Variants in GRIN2B observed in about 807,000 individuals in gnomAD.
GRIN2B encodes glutamate ionotropic receptor NMDA type subunit 2B.
Under a neutral mutation model 114.5 loss-of-function variants are expected in GRIN2B, and 5 were observed. The ratio of observed to expected loss-of-function variants is 0.04; its 90% confidence interval spans 0.02 to 0.09. The LOEUF is 0.09. Ranked by LOEUF, GRIN2B falls within the 10% of genes least tolerant of loss-of-function variation. The probability of loss-of-function intolerance (pLI) is 1.00; values close to 1 mark genes in which losing one functional copy is unlikely to be tolerated. For synonymous variants in GRIN2B, 787 were observed against 745.1 expected, an observed-to-expected ratio of 1.06 and a Z score of -0.92; for missense variants, 1,108 against 1,943.5, an observed-to-expected ratio of 0.57 and a Z score of 8.08.
At chr12:13,841,316 A>C (rs887132158) in intron 3 of GRIN2B, among the ~76,000 whole-genome samples, 2 of 152,160 alleles carry the variant, frequency 1.3e-5, no homozygotes, top group African/African-American at 4.8e-5. Flanking sequence ...CCTCTGTACC[A>C]CACTTTTGAT....
chr12:13,716,901 C>A (rs1950460220), intron 4 of GRIN2B, among the ~76,000 whole-genome samples: 1 of 151,860 alleles, frequency 6.6e-6, no homozygotes, highest in African/African-American at 2.4e-5. Flanking sequence ...ACTAAATATG[C>A]AAGGACTTAG....
intron 2 of GRIN2B, among the ~76,000 whole-genome samples, chr12:13,879,076 C>T (rs1230888969): frequency 1.3e-5 from 2 of 152,176 alleles, no homozygotes; most frequent in African/African-American, 2.4e-5. Context: ...ACTGACTATA[C>T]AAATTAGAAA....
chr12:13,702,384 C>T (rs1433251563), intron 4 of GRIN2B, among the ~76,000 whole-genome samples: 1 of 152,180 alleles, frequency 6.6e-6, no homozygotes, highest in African/African-American at 2.4e-5. Context: ...AGAGCATGTA[C>T]ATGGCATCTG....
intron 4 of GRIN2B, among the ~76,000 whole-genome samples, chr12:13,681,947 C>T (rs1176723640): frequency 6.6e-6 from 1 of 152,102 alleles, no homozygotes; most frequent in Non-Finnish European, 1.5e-5. Flanking sequence ...ATTATTTATA[C>T]ACAGTACCTC....
chr12:13,722,065 A>G (rs1862893732), intron 4 of GRIN2B, among the ~76,000 whole-genome samples: 1 of 152,160 alleles, frequency 6.6e-6, no homozygotes, highest in Non-Finnish European at 1.5e-5. Context: ...ACCACTGGTG[A>G]CTTTGGCAAG....
intron 2 of GRIN2B, among the ~76,000 whole-genome samples, chr12:13,884,269 C>T (rs1203530091): frequency 2.6e-5 from 4 of 151,782 alleles, no homozygotes; most frequent in Non-Finnish European, 2.9e-5. Flanking sequence ...AAAAAAAAAT[C>T]CTACTGGGAG....
Position 13,953,769 on chromosome 12 carries a change from C to A in GRIN2B, c.-19+26159G>T, listed in dbSNP as rs533347599. On this transcript the variant is annotated intron_variant, in intron 2 of 13. Transcript: ENST00000609686. ...CCTTGTTCCCTGTGACCCAAAGGTT[C>A]ACACTGGCTTCCTGCTTTGCTGATC... is the stretch of plus-strand genomic sequence containing the variant. Among the ~76,000 whole-genome samples, 16 of 152,342 alleles carry A rather than the reference C, an allele frequency of 1.1e-4. No homozygotes were observed. The South Asian group carries it at 2.7e-3, about 26-fold the overall frequency.
Position 13,564,383 on chromosome 12 carries a change from G to A in GRIN2B, c.2855C>T (p.Pro952Leu), listed in dbSNP as rs747714077. 7 of 1,614,206 alleles carry A rather than the reference G, an allele frequency of 4.3e-6. No homozygotes were observed. Among genetic ancestry groups the A allele is most frequent in the South Asian group, 1.1e-5 (1 of 91,074 alleles). Reference protein sequence around the residue: ...THSDCKSYNNPPCEENLFSDY... With the variant: ...THSDCKSYNNLPCEENLFSDY... ...ACTGAAGAGGTTCTCCTCACAGGGC[G>A]GGTTGTTGTAGGATTTGCAGTCAGA... Residue 952 changes from proline to leucine, a missense_variant, in exon 14 of 14, where the codon CCG becomes CTG. Physicochemically the swap from Pro to Leu is moderately conservative, Grantham distance 98. This residue lies in a region of GRIN2B where 140 missense variants were observed against 187.5 expected (regional missense o/e 0.75). Transcript: ENST00000609686. The surrounding 1 kb of genome is among the most constrained non-coding windows in gnomAD (Gnocchi z 4.8).
At chr12:13,796,624 AC>A (rs1864423028) in intron 3 of GRIN2B, among the ~76,000 whole-genome samples, 2 of 152,182 alleles carry the variant, frequency 1.3e-5, no homozygotes, top group African/African-American at 2.4e-5. Context: ...CATTTAAAAA[AC>A]CTTTGTGAGA....
chr12:13,797,066 G>A (rs188193567), intron 3 of GRIN2B, among the ~76,000 whole-genome samples: 1 of 152,264 alleles, frequency 6.6e-6, no homozygotes, highest in East Asian at 1.9e-4. Flanking sequence ...CATTCAAGCT[G>A]CTATAACAAA....
rs187175010 is a variant in GRIN2B at position 13,738,285 on chromosome 12, T to C, written c.1010+15032A>G. 2.4e-3 allele frequency among the ~76,000 whole-genome samples: 367 copies of C among 152,334 alleles called. 1 individual carries two copies. Among genetic ancestry groups the C allele is most frequent in the Non-Finnish European group, 2.9e-3 (194 of 68,020 alleles). On this transcript the variant is annotated intron_variant, in intron 4 of 13. Coordinates refer to ENST00000609686, the MANE Select transcript of GRIN2B (RefSeq NM_000834.5). ...TAATAACTTTCATTTTTAAAACCAC[T>C]TGTGTACTCCAAAATTTAGCAAAGC... is the stretch of plus-strand genomic sequence containing the variant.
chr12:13,629,019 C>G (rs1336964560), intron 5 of GRIN2B, among the ~76,000 whole-genome samples: 1 of 151,946 alleles, frequency 6.6e-6, no homozygotes, highest in Non-Finnish European at 1.5e-5. Context: ...TTTTAGAAGC[C>G]TAGACCACAA....
intron 3 of GRIN2B, among the ~76,000 whole-genome samples, chr12:13,847,024 A>G (rs1865483585): frequency 6.6e-6 from 1 of 152,156 alleles, no homozygotes; most frequent in Non-Finnish European, 1.5e-5. Context: ...TGCAAAGCTA[A>G]GGAAACTGAG....
At chr12:13,574,617 G>A (rs1948750802) in intron 10 of GRIN2B, among the ~76,000 whole-genome samples, 2 of 152,054 alleles carry the variant, frequency 1.3e-5, no homozygotes, top group African/African-American at 4.8e-5. Flanking sequence ...GTGCCCAGAG[G>A]GCCTCACTTC....
At position 13,563,169 on chromosome 12, in the gene GRIN2B, G is replaced by C; in HGVS notation, c.4069C>G (p.Pro1357Ala). 1 of 1,614,210 alleles carries C rather than the reference G, an allele frequency of 6.2e-7. No individual in the cohort carries two copies. Among genetic ancestry groups the C allele is most frequent in the Non-Finnish European group, 8.5e-7 (1 of 1,180,040 alleles). ...STFANNKSSVPTAGHHHHNNP... is the reference protein window; with the variant it reads ...STFANNKSSVATAGHHHHNNP... ...TTGTGGTGGTGATGTCCGGCAGTGGGCACTGAGGACTTGTTGTTGGCAAAG... is the reference window on the plus strand; with the variant it reads ...TTGTGGTGGTGATGTCCGGCAGTGGCCACTGAGGACTTGTTGTTGGCAAAG... Residue 1357 changes from proline (P) to alanine (A), a missense_variant, in exon 14 of 14, where the codon CCC becomes GCC. Physicochemically the swap from Pro to Ala is conservative, Grantham distance 27. This residue lies in a region of GRIN2B where 478 missense variants were observed against 506.0 expected (regional missense o/e 0.94). Coordinates refer to ENST00000609686, the MANE Select transcript of GRIN2B (RefSeq NM_000834.5).
At chr12:13,580,007 G>C (rs1948825977) in intron 10 of GRIN2B, among the ~76,000 whole-genome samples, 1 of 152,326 alleles carries the variant, frequency 6.6e-6, no homozygotes, top group East Asian at 1.9e-4. Context: ...AGCTTCCAGG[G>C]TGAGAATGAA....
rs547171315 is a variant in GRIN2B, at chr12:13,710,902, A to C, written c.1011-35043T>G. On this transcript the variant is annotated intron_variant, in intron 4 of 13. Coordinates refer to ENST00000609686, the MANE Select transcript of GRIN2B (RefSeq NM_000834.5). ...CTTTAAAGTTCATATGCAACCAAAAAAGAGCCCTCATTGCCAAGTCAATCC... is the reference window on the plus strand; with the variant it reads ...CTTTAAAGTTCATATGCAACCAAAACAGAGCCCTCATTGCCAAGTCAATCC... Among the ~76,000 whole-genome samples, 433 of 152,140 alleles carry C rather than the reference A, an allele frequency of 2.8e-3. 1 individual carries two copies. Among genetic ancestry groups the C allele is most frequent in the African/African-American group, 9.5e-3 (393 of 41,516 alleles).
intron 4 of GRIN2B, among the ~76,000 whole-genome samples, chr12:13,701,693 C>T (rs1950314480): frequency 6.6e-6 from 1 of 152,042 alleles, no homozygotes; most frequent in African/African-American, 2.4e-5. Flanking sequence ...ATGATGAAGA[C>T]TGGATGACTA....
At chr12:13,937,100 G>A (rs916489483) in intron 2 of GRIN2B, among the ~76,000 whole-genome samples, 1 of 146,204 alleles carries the variant, frequency 6.8e-6, no homozygotes, top group Non-Finnish European at 1.5e-5. Context: ...AAAAAAAGGG[G>A]GGGGGGAAGA....
Sources: allele counts gnomAD v4.1 joint callset (sites outside exome capture counted in the v4.1 genomes callset), GRCh38; gene constraint gnomAD v4.1.1; regional missense constraint gnomAD v4.1.1; non-coding constraint Gnocchi (gnomAD v3.1); transcripts MANE v1.5; gene names NCBI Gene and HGNC (gene_info 2026-07-23, HGNC 2026-07-21).